NOX4: variants seen among roughly 807,000 people sequenced by gnomAD.
The protein encoded by NOX4 is kidney oxidase-1.
In NOX4, 69 loss-of-function variants were observed where a neutral mutation model predicts 87.6. That is an observed-to-expected ratio of 0.79 (90% CI 0.65 to 0.96). The LOEUF is 0.96. Among genes scored for constraint, NOX4 ranks in the 40% least tolerant of loss-of-function variants. The pLI, the probability that NOX4 is intolerant of heterozygous loss-of-function variation, is 0.00. For synonymous variants in NOX4, 275 were observed against 238.2 expected (o/e 1.15, Z -1.42); for missense variants, 680 against 681.5 (o/e 1.00, Z 0.02).
intron 7 of NOX4, among the ~76,000 whole-genome samples, chr11:89,426,645 C>T (rs779609141): frequency 1.2e-4 from 19 of 152,240 alleles, no homozygotes; most frequent in African/African-American, 3.1e-4. Flanking sequence ...AGTCTGAGAT[C>T]GAAATGCAAG....
intron 2 of NOX4, among the ~76,000 whole-genome samples, chr11:89,456,333 A>G (rs112844934): frequency 5.4e-4 from 82 of 152,352 alleles, no homozygotes; most frequent in African/African-American, 1.8e-3. Flanking sequence ...TTTGACAAAT[A>G]TAAATGCACA....
intron 6 of NOX4, among the ~76,000 whole-genome samples, chr11:89,437,818 C>T (rs1341943145): frequency 1.3e-5 from 2 of 151,966 alleles, no homozygotes; most frequent in African/African-American, 4.8e-5. Flanking sequence ...TTCCAGGACC[C>T]CTCACAGATA....
chr11:89,509,876 T>C, the NOX4 span, among the ~76,000 whole-genome samples: 1 of 151,878 alleles, frequency 6.6e-6, no homozygotes, highest in Non-Finnish European at 1.5e-5. Context: ...AGATGAAAAA[T>C]GTCCACTCAA....
chr11:89,353,653 C>T (rs1443646968), intron 13 of NOX4, among the ~76,000 whole-genome samples: 2 of 152,076 alleles, frequency 1.3e-5, no homozygotes, highest in African/African-American at 2.4e-5. Context: ...CCCACAATAT[C>T]TCTGAGGTAT....
In NOX4 at chr11:89,370,499, G is replaced by A. The variant is rs568271218; in HGVS notation, c.1135+2933C>T. 1.4e-3 allele frequency among the ~76,000 whole-genome samples: 220 copies of A among 151,838 alleles called. 1 individual carries two copies. The highest frequency in any genetic ancestry group is 4.7e-3 in the African/African-American group (196 of 41,482). On this transcript the variant is annotated intron_variant, in intron 12 of 17. Coordinates refer to ENST00000263317, the MANE Select transcript of NOX4 (RefSeq NM_016931.5). ...TTAATCAATACTAATCATATGTAAC[G>A]AAGAAATTAACAAAACATTTTTGTA...
chr11:89,566,312 G>A, the NOX4 span, among the ~76,000 whole-genome samples: 1 of 152,056 alleles, frequency 6.6e-6, no homozygotes, highest in South Asian at 2.1e-4. Context: ...AAAGTGCTGG[G>A]ATTACAGGTG....
At chr11:89,490,971 A>G (rs1227568783) in intron 1 of NOX4, 1 of 675,620 alleles carries the variant, frequency 1.5e-6, no homozygotes, top group East Asian at 2.7e-5. Flanking sequence ...CATCTCTCCC[A>G]TCAATGTGCA....
the NOX4 span, among the ~76,000 whole-genome samples, chr11:89,541,879 G>A: frequency 6.6e-6 from 1 of 152,190 alleles, no homozygotes; most frequent in Non-Finnish European, 1.5e-5. Context: ...GAATGCAGTA[G>A]TGCAATCAAG....
At chr11:89,405,794 A>T (rs1331155758) in intron 8 of NOX4, among the ~76,000 whole-genome samples, 1 of 151,294 alleles carries the variant, frequency 6.6e-6, no homozygotes, top group Non-Finnish European at 1.5e-5. Flanking sequence ...TAGTGGCCTT[A>T]GATTGGGAGT....
intron 6 of NOX4, among the ~76,000 whole-genome samples, chr11:89,438,961 ATATATAATATATAAT>A (rs1435016148): frequency 1.1e-5 from 1 of 93,078 alleles, no homozygotes; most frequent in African/African-American, 4.2e-5. Context: ...ATATATAATA[ATATATAATATATAAT>A]TATATATTAT....
the NOX4 span, among the ~76,000 whole-genome samples, chr11:89,553,914 C>T: frequency 6.7e-6 from 1 of 150,318 alleles, no homozygotes; most frequent in African/African-American, 2.5e-5. Flanking sequence ...GGTAGTTTTG[C>T]CACTTGGAGG....
At chr11:89,373,369 A>G in intron 12 of NOX4, 63 bp downstream of exon 12, 1 of 961,128 alleles carries the variant, frequency 1.0e-6, no homozygotes. Flanking sequence ...ATTAAAACAC[A>G]TTCAAATTAT....
chr11:89,573,903 TC>T, the NOX4 span, among the ~76,000 whole-genome samples: 1 of 152,112 alleles, frequency 6.6e-6, no homozygotes, highest in African/African-American at 2.4e-5. Flanking sequence ...ACGTGCACTG[TC>T]TTTAGGAAGT....
At chr11:89,571,838 G>C in the NOX4 span, among the ~76,000 whole-genome samples, 159 of 152,188 alleles carry the variant, frequency 1.0e-3, no homozygotes, top group African/African-American at 3.7e-3. Context: ...TCCCCCACAG[G>C]GAATTTCCTT....
At chr11:89,492,774 A>G (rs1382673794), upstream of NOX4, among the ~76,000 whole-genome samples, 1 of 152,170 alleles carries the variant, frequency 6.6e-6, no homozygotes, top group Non-Finnish European at 1.5e-5. Context: ...AAGGAAGTCA[A>G]ATTCTGGGAT....
chr11:89,400,233 A>G lies in NOX4; in HGVS notation c.993T>C (p.Phe331=). 1 of 1,612,714 alleles carries G rather than the reference A, an allele frequency of 6.2e-7. No homozygotes were observed. Among genetic ancestry groups the G allele is most frequent in the Non-Finnish European group, 8.5e-7 (1 of 1,179,196 alleles). ...GACTCACCTGACCAGGTCTTGCTTT[A>G]AAATTTTCTTTGACCATTCGGATTT... ...VMEIRMVKEN[F]KARPGQYITL... Residue 331 remains phenylalanine, a synonymous_variant, in exon 10 of 18, where the codon TTT becomes TTC. Transcript: ENST00000263317.
chr11:89,383,492 C>T (rs1181205766), intron 11 of NOX4, among the ~76,000 whole-genome samples: 1 of 152,158 alleles, frequency 6.6e-6, no homozygotes, highest in African/African-American at 2.4e-5. Context: ...GCCTCCTGGA[C>T]CATCACAGAC....
intron 13 of NOX4, among the ~76,000 whole-genome samples, chr11:89,350,244 C>T (rs1225319386): frequency 8.6e-5 from 13 of 152,046 alleles, no homozygotes; most frequent in Admixed American, 8.5e-4. Flanking sequence ...AAGAGTGTTC[C>T]CAAGCACCAT....
intron 2 of NOX4, among the ~76,000 whole-genome samples, chr11:89,485,684 T>A (rs1251987279): frequency 1.3e-5 from 2 of 152,160 alleles, no homozygotes; most frequent in Non-Finnish European, 2.9e-5. Context: ...TTTTCCATTC[T>A]TGAAAATAAA....
Sources: allele counts gnomAD v4.1 joint callset (sites outside exome capture counted in the v4.1 genomes callset), GRCh38; gene constraint gnomAD v4.1.1; transcripts MANE v1.5; gene names NCBI Gene and HGNC (gene_info 2026-07-23, HGNC 2026-07-21).